The following OTUD7A variants were observed in gnomAD, a reference collection of about 807,000 sequenced individuals.
OTUD7A encodes the protein OTU deubiquitinase 7A, also known as OTU domain-containing protein 7A.
A neutral mutation model predicts 65.7 loss-of-function variants in OTUD7A; 12 were observed. The ratio of observed to expected loss-of-function variants is 0.18; its 90% CI spans 0.12 to 0.30. OTUD7A has a LOEUF of 0.30. OTUD7A is among the 10% of genes least tolerant of loss of function. OTUD7A has a pLI of 1.00. For missense variants in OTUD7A, 1,148 were observed against 1,304.8 expected, an observed-to-expected ratio of 0.88 and a Z score of 1.85; for synonymous variants, 641 against 586.3, an observed-to-expected ratio of 1.09 and a Z score of -1.35.
rs555599027 is a variant in OTUD7A, at chr15:31,552,713, A to G, written c.550+6256T>C. Among the ~76,000 whole-genome samples the G allele has an allele frequency of 1.8e-3, 279 of 152,350 alleles. 4 individuals carry two copies. Among genetic ancestry groups the G allele is most frequent in the Non-Finnish European group, 1.7e-3 (119 of 68,036 alleles). On this transcript the variant is annotated intron_variant, in intron 5 of 12. Coordinates refer to ENST00000307050, the MANE Select transcript of OTUD7A (RefSeq NM_001382637.1). ...TCTCCCACACTCTGGCCCAGGCCCTATGCCCAGGGTTGCCCAACGCTGCAC... is the reference window on the plus strand; with the variant it reads ...TCTCCCACACTCTGGCCCAGGCCCTGTGCCCAGGGTTGCCCAACGCTGCAC...
chr15:31,865,448 CTG>C (rs1336783273), intron 1 of OTUD7A, among the ~76,000 whole-genome samples: 2 of 152,172 alleles, frequency 1.3e-5, no homozygotes, highest in African/African-American at 2.4e-5. Context: ...TCCCAGGACA[CTG>C]TGCATTGTGT....
At chr15:31,811,985 G>A (rs1448214112) in intron 1 of OTUD7A, among the ~76,000 whole-genome samples, 1 of 152,224 alleles carries the variant, frequency 6.6e-6, no homozygotes, top group Non-Finnish European at 1.5e-5. Context: ...TGAGGCTGCG[G>A]GAGGATGCTG....
intron 1 of OTUD7A, among the ~76,000 whole-genome samples, chr15:31,727,598 A>G (rs1007424720): frequency 5.3e-5 from 8 of 152,210 alleles, no homozygotes; most frequent in African/African-American, 1.9e-4. Context: ...TGAAATTCCA[A>G]TGAATATCCT....
At chr15:31,588,850 G>A (rs1889627904) in intron 3 of OTUD7A, among the ~76,000 whole-genome samples, 3 of 152,218 alleles carry the variant, frequency 2.0e-5, no homozygotes. Flanking sequence ...TGGCAGCCTG[G>A]AGGGCAGGGA....
intron 1 of OTUD7A, among the ~76,000 whole-genome samples, chr15:31,703,649 G>A (rs564733575): frequency 1.4e-4 from 21 of 152,170 alleles, no homozygotes; most frequent in Admixed American, 1.2e-3. Context: ...CAGCCACTCT[G>A]GAAAGCAGTT....
Position 31,487,599 on chromosome 15 carries a change from C to G in OTUD7A, c.1172-33G>C. The G allele has an allele frequency of 6.4e-7, 1 of 1,564,922 alleles. No homozygotes were observed. Among genetic ancestry groups the G allele is most frequent in the South Asian group, 1.1e-5 (1 of 87,376 alleles). ...AGAAGAGACAGAGCCGTGCTTGGAG[C>G]CCCGGCAGTCCCCAGGCAGGATGGC... On this transcript the variant is annotated intron_variant, in intron 10 of 12. Coordinates refer to ENST00000307050, the MANE Select transcript of OTUD7A (RefSeq NM_001382637.1). The surrounding 1 kb of genome is among the most constrained non-coding windows in gnomAD (Gnocchi z 6.0).
At chr15:31,728,936 G>A (rs1243234663) in intron 1 of OTUD7A, among the ~76,000 whole-genome samples, 2 of 152,234 alleles carry the variant, frequency 1.3e-5, no homozygotes, top group Non-Finnish European at 2.9e-5. Flanking sequence ...AAACAGATGT[G>A]TATACAGTAG....
At chr15:31,549,380 G>T (rs1458260800) in intron 5 of OTUD7A, among the ~76,000 whole-genome samples, 1 of 152,162 alleles carries the variant, frequency 6.6e-6, no homozygotes, top group Non-Finnish European at 1.5e-5. Flanking sequence ...ATTCTAAAGT[G>T]GTCCTCAGAT....
chr15:31,740,144 G>T (rs901953198), intron 1 of OTUD7A, among the ~76,000 whole-genome samples: 1 of 152,180 alleles, frequency 6.6e-6, no homozygotes, highest in African/African-American at 2.4e-5. Flanking sequence ...CACTGAGAAG[G>T]TGATTCTGGA....
At chr15:31,772,514 T>C (rs1895268837) in intron 1 of OTUD7A, among the ~76,000 whole-genome samples, 1 of 152,118 alleles carries the variant, frequency 6.6e-6, no homozygotes, top group South Asian at 2.1e-4. Flanking sequence ...ACACCAGGGA[T>C]TCCCAAAGTT....
At chr15:31,780,955 T>C (rs1895522912) in intron 1 of OTUD7A, among the ~76,000 whole-genome samples, 1 of 152,234 alleles carries the variant, frequency 6.6e-6, no homozygotes, top group Non-Finnish European at 1.5e-5. Context: ...AGCAGTTATA[T>C]TTTGTATGGC....
intron 1 of OTUD7A, among the ~76,000 whole-genome samples, chr15:31,835,532 C>T (rs1201847558): frequency 6.6e-6 from 1 of 152,140 alleles, no homozygotes; most frequent in Non-Finnish European, 1.5e-5. Context: ...CAGGGTTGGT[C>T]TTCATTGACA....
At chr15:31,784,887 G>C (rs1463078429) in intron 1 of OTUD7A, among the ~76,000 whole-genome samples, 4 of 152,206 alleles carry the variant, frequency 2.6e-5, no homozygotes. Flanking sequence ...TATTGAGAAA[G>C]AGTAGGGGAA....
intron 1 of OTUD7A, among the ~76,000 whole-genome samples, chr15:31,788,100 T>C (rs907775446): frequency 2.0e-5 from 3 of 152,234 alleles, no homozygotes; most frequent in East Asian, 1.9e-4. Context: ...ATGGGTTCTC[T>C]TGCATTTCTA....
At chr15:31,695,083 G>A (rs906127892) in intron 1 of OTUD7A, among the ~76,000 whole-genome samples, 6 of 152,142 alleles carry the variant, frequency 3.9e-5, no homozygotes, top group Admixed American at 1.3e-4. Flanking sequence ...CTGACCTTGC[G>A]ATCCGCCCAC....
At chr15:31,755,716 T>G (rs1347646055) in intron 1 of OTUD7A, among the ~76,000 whole-genome samples, 1 of 146,096 alleles carries the variant, frequency 6.8e-6, no homozygotes, top group Admixed American at 6.7e-5. Context: ...AGCGAGACTC[T>G]GTCTCAAAAA....
At chr15:31,807,370 T>A (rs1013278888) in intron 1 of OTUD7A, among the ~76,000 whole-genome samples, 5 of 152,040 alleles carry the variant, frequency 3.3e-5, no homozygotes, top group Admixed American at 3.3e-4. Context: ...CACAGGTGAG[T>A]GCATGAGTTA....
chr15:31,783,124 A>C (rs1270169177), intron 1 of OTUD7A, among the ~76,000 whole-genome samples: 1 of 152,212 alleles, frequency 6.6e-6, no homozygotes, highest in Non-Finnish European at 1.5e-5. Context: ...GCCGGGAAGA[A>C]ACCAAAAAGC....
chr15:31,826,165 C>A (rs1321157311), intron 1 of OTUD7A, among the ~76,000 whole-genome samples: 1 of 152,250 alleles, frequency 6.6e-6, no homozygotes, highest in African/African-American at 2.4e-5. Flanking sequence ...GGGGCTCCGA[C>A]CCCACATTTC....
Sources: allele counts gnomAD v4.1 joint callset (sites outside exome capture counted in the v4.1 genomes callset), GRCh38; gene constraint gnomAD v4.1.1; non-coding constraint Gnocchi (gnomAD v3.1); transcripts MANE v1.5; gene names NCBI Gene and HGNC (gene_info 2026-07-23, HGNC 2026-07-21).